The following ADAMTSL1 variants were observed in gnomAD, a reference collection of about 807,000 sequenced individuals.
The protein encoded by ADAMTSL1 is ADAMTS-like protein 1.
Under a neutral mutation model 201.8 loss-of-function variants are expected in ADAMTSL1, and 126 were observed. That is an observed-to-expected ratio of 0.62 (90% CI 0.54 to 0.72). The LOEUF is 0.72. Ranked by LOEUF, ADAMTSL1 falls within the 30% of genes least tolerant of loss-of-function variation. The pLI, the probability that ADAMTSL1 is intolerant of heterozygous loss-of-function variation, is 0.00. For missense variants in ADAMTSL1, 2,679 were observed against 2,277.8 expected (o/e 1.18, Z -3.59); for synonymous variants, 1,121 against 903.4 (o/e 1.24, Z -4.32).
At chr9:18,200,859 A>G (rs1253275364) in intron 2 of ADAMTSL1, among the ~76,000 whole-genome samples, 1 of 152,026 alleles carries the variant, frequency 6.6e-6, no homozygotes, top group African/African-American at 2.4e-5. Context: ...AACTAATTAC[A>G]AAGAAAAAGT....
chr9:18,567,536 T>C (rs1204470918), intron 3 of ADAMTSL1, among the ~76,000 whole-genome samples: 1 of 152,088 alleles, frequency 6.6e-6, no homozygotes, highest in East Asian at 1.9e-4. Flanking sequence ...GGAGAACAGA[T>C]TTCATGGGGA....
chr9:17,915,063 G>A (rs1276421043), intron 1 of ADAMTSL1, among the ~76,000 whole-genome samples: 1 of 152,004 alleles, frequency 6.6e-6, no homozygotes, highest in Non-Finnish European at 1.5e-5. Flanking sequence ...GGTATAAATG[G>A]CATAAGGTAT....
intron 2 of ADAMTSL1, among the ~76,000 whole-genome samples, chr9:18,164,432 G>GT (rs1434813100): frequency 3.9e-5 from 6 of 151,918 alleles, no homozygotes; most frequent in Admixed American, 3.9e-4. Flanking sequence ...TTTTATGAAA[G>GT]TTTGTTTCTC....
At chr9:18,534,393 A>T (rs906663835) in intron 3 of ADAMTSL1, among the ~76,000 whole-genome samples, 2 of 152,168 alleles carry the variant, frequency 1.3e-5, no homozygotes, top group African/African-American at 2.4e-5. Context: ...AAGGAGGAGA[A>T]CTTAAACCCA....
chr9:18,160,685 T>C (rs1018394017), intron 1 of ADAMTSL1, among the ~76,000 whole-genome samples: 2 of 151,268 alleles, frequency 1.3e-5, no homozygotes, highest in Admixed American at 1.3e-4. Flanking sequence ...ATTAATTAAT[T>C]AATTAATTTT....
In ADAMTSL1 at chr9:18,363,388, C is replaced by T. The variant is rs567521398; in HGVS notation, c.208-141441C>T. Among the ~76,000 whole-genome samples the T allele has an allele frequency of 2.0e-5, 3 of 152,268 alleles. No individual in the cohort carries two copies. In the South Asian group the frequency reaches 6.2e-4, roughly 32 times the overall value. On this transcript the variant is annotated intron_variant, in intron 2 of 29. Coordinates refer to the ADAMTSL1 transcript ENST00000680146. ...CCTATTATAAGCCGACAAGCGTATA[C>T]AGGATTTAATTAATTCTTTGGGAGA...
At chr9:17,947,312 TACACACACACACACAC>T (rs34840423) in intron 1 of ADAMTSL1, among the ~76,000 whole-genome samples, 1 of 143,318 alleles carries the variant, frequency 7.0e-6, no homozygotes, top group African/African-American at 2.6e-5. Flanking sequence ...TATACACACA[TACACACACACACACAC>T]ACACACACAC....
chr9:18,066,796 A>T (rs1822722131), intron 1 of ADAMTSL1, among the ~76,000 whole-genome samples: 4 of 152,250 alleles, frequency 2.6e-5, no homozygotes, highest in Admixed American at 2.6e-4. Flanking sequence ...ACCATGGAAT[A>T]CTATGCAGCC....
intron 20 of ADAMTSL1, among the ~76,000 whole-genome samples, chr9:18,806,258 G>T (rs1265332058): frequency 6.6e-6 from 1 of 152,172 alleles, no homozygotes; most frequent in Non-Finnish European, 1.5e-5. Flanking sequence ...AAGTCTAAAA[G>T]AATTGCACAA....
intron 2 of ADAMTSL1, among the ~76,000 whole-genome samples, chr9:18,289,172 T>TCTATCTATCTATCTAC (rs1554650791): frequency 0.052 from 7,119 of 138,042 alleles, 239 homozygotes; most frequent in South Asian, 0.11. Context: ...TATCTATCTA[T>TCTATCTATCTATCTAC]CTACCTACCT....
At chr9:18,254,660 C>T (rs1313648574) in intron 2 of ADAMTSL1, among the ~76,000 whole-genome samples, 2 of 85,960 alleles carry the variant, frequency 2.3e-5, no homozygotes, top group Non-Finnish European at 4.3e-5. Context: ...ACCGCGCCTG[C>T]CCCCCCGCCC....
intron 2 of ADAMTSL1, among the ~76,000 whole-genome samples, chr9:18,298,090 C>A (rs188484286): frequency 3.3e-5 from 5 of 152,316 alleles, no homozygotes; most frequent in Admixed American, 6.5e-5. Context: ...CAACCAGGCA[C>A]AAATTCTGTG....
intron 13 of ADAMTSL1, among the ~76,000 whole-genome samples, chr9:18,699,380 G>A (rs10811011): frequency 0.58 from 86,485 of 148,022 alleles, 25,675 homozygotes; most frequent in Non-Finnish European, 0.65. Context: ...GCTAGAGTGC[G>A]GTGGCACAAT....
intron 19 of ADAMTSL1, among the ~76,000 whole-genome samples, chr9:18,794,314 T>A (rs1249851765): frequency 3.3e-5 from 5 of 150,564 alleles, no homozygotes; most frequent in East Asian, 2.0e-4. Context: ...GAGGCAGAGG[T>A]GGGAGGACTG....
chr9:18,652,251 G>A (rs1005537387), intron 7 of ADAMTSL1, among the ~76,000 whole-genome samples: 22 of 151,030 alleles, frequency 1.5e-4, no homozygotes, highest in African/African-American at 5.4e-4. Context: ...AGGCATCTGT[G>A]ATCCCAGCTA....
At chr9:18,795,635 C>T in intron 20 of ADAMTSL1, 111 bp downstream of exon 20, 1 of 1,183,588 alleles carries the variant, frequency 8.4e-7, no homozygotes, top group South Asian at 1.6e-5. Flanking sequence ...CAGATCCCAT[C>T]TTCAGGGAGT....
intron 5 of ADAMTSL1, among the ~76,000 whole-genome samples, chr9:18,629,213 C>T (rs2132722128): frequency 1.3e-5 from 2 of 151,450 alleles, no homozygotes; most frequent in Middle Eastern, 6.8e-3. Context: ...AGTGGTTTTG[C>T]CTCTTTTCAA....
At position 18,089,641 on chromosome 9, in the gene ADAMTSL1, C is replaced by T. The variant is rs529184568; in HGVS notation, c.88-74221C>T. ...GAAAAGTATGGATGAAACTTGAGAA[C>T]ATTATGCTATGAAATAAGCCAGTCA... is the stretch of plus-strand genomic sequence containing the variant. On this transcript the variant is annotated intron_variant, in intron 1 of 29. Coordinates refer to the ADAMTSL1 transcript ENST00000680146. Among the ~76,000 whole-genome samples, 46 of 152,242 alleles carry T rather than the reference C, an allele frequency of 3.0e-4. 1 individual carries two copies. The highest frequency in any genetic ancestry group is 5.6e-4 in the Non-Finnish European group (38 of 68,010).
chr9:18,540,932 G>A (rs545316872), intron 3 of ADAMTSL1, among the ~76,000 whole-genome samples: 6 of 152,184 alleles, frequency 3.9e-5, no homozygotes, highest in Non-Finnish European at 5.9e-5. Context: ...TGCCACAGAC[G>A]CACTCTCTCC....
Sources: gnomAD v4.1 joint callset for allele counts (sites outside exome capture counted in the v4.1 genomes callset) on GRCh38, gnomAD v4.1.1 for gene constraint, MANE v1.5 for transcripts, NCBI Gene and HGNC (gene_info 2026-07-23, HGNC 2026-07-21) for gene names.